RPS13: variants seen among roughly 807,000 people sequenced by gnomAD.
RPS13 encodes ribosomal protein S13.
Under a neutral mutation model 24.6 loss-of-function variants are expected in RPS13, and 1 was observed. The observed-to-expected ratio is 0.04, with a 90% CI of 0.01 to 0.19. RPS13 has a LOEUF of 0.19. Among genes scored for constraint, RPS13 ranks in the 10% least tolerant of loss-of-function variants. The pLI, the probability that RPS13 is intolerant of heterozygous loss-of-function variation, is 1.00. For synonymous variants in RPS13, 69 were observed against 65.3 expected (o/e 1.06, Z -0.27); for missense variants, 88 against 187.4 (o/e 0.47, Z 3.10).
At chr11:17,077,518 G>C in intron 1 of RPS13, 41 bp from the exon 2 acceptor site, 1 of 1,613,518 alleles carries the variant, frequency 6.2e-7, no homozygotes, top group Non-Finnish European at 8.5e-7. Flanking sequence ...GGCGGCTAGT[G>C]CCAGAGCAGC....
In RPS13 at chr11:17,075,545, G is replaced by A; in HGVS notation, c.230C>T (p.Ser77Phe). The A allele has an allele frequency of 1.9e-6, 3 of 1,608,536 alleles. No homozygotes were observed. Among genetic ancestry groups the A allele is most frequent in the Non-Finnish European group, 2.5e-6 (3 of 1,176,908 alleles). Residue 77 changes from serine (S) to phenylalanine (F), a missense_variant, in exon 4 of 6, where the codon TCT becomes TTT. Transcript: ENST00000525634. ...AGGAAGATCAGGAGCAAGTCCCTTA[G>A]ACTTAAGAATTCTTAAAATTTTATT... ...TGNKILRILK[S>F]KGLAPDLPED...
intron 3 of RPS13, 28 bp from the exon 4 acceptor site, chr11:17,075,651 C>A (rs754022901): frequency 6.5e-7 from 1 of 1,542,182 alleles, no homozygotes; most frequent in Non-Finnish European, 8.8e-7. Flanking sequence ...TTTTAACTTT[C>A]AACACGAAAC....
chr11:17,075,028 T>C, intron 5 of RPS13, 69 bp downstream of exon 5: 1 of 1,054,606 alleles, frequency 9.5e-7, no homozygotes, highest in Non-Finnish European at 1.4e-6. Context: ...TGAACATATT[T>C]ACTACTAGGA....
intron 3 of RPS13, 193 bp downstream of exon 3, chr11:17,076,975 C>T: frequency 1.7e-6 from 1 of 583,136 alleles, no homozygotes; most frequent in Non-Finnish European, 3.1e-6. Flanking sequence ...GGGTGAAAGC[C>T]ATGAAGATTT....
At chr11:17,076,703 T>G (rs2137238534) in intron 3 of RPS13, 1 of 307,512 alleles carries the variant, frequency 3.3e-6, no homozygotes, top group East Asian at 1.1e-4. Flanking sequence ...ACATTGCGGC[T>G]GGCTTTTTTG....
At chr11:17,075,719 T>TTACAGATAG in intron 3 of RPS13, 96 bp from the exon 4 acceptor site, 2 of 936,384 alleles carry the variant, frequency 2.1e-6, no homozygotes, top group Non-Finnish European at 3.4e-6. Flanking sequence ...GTTTCCTATC[T>TTACAGATAG]GTAAGATGGG....
chr11:17,074,441 CCAGGG>C lies in RPS13; in HGVS notation c.443_447del (p.Ala148GlyfsTer16). The stretch of plus-strand genomic sequence containing the variant: ...TGAGTACACAGACAAATTTATGCGA[CCAGGG>C]CAGAGGCTGTAGATGATTCACTGAA... On this transcript the variant is annotated frameshift_variant, in exon 6 of 6. Transcript: ENST00000525634. LOFTEE classifies it high-confidence loss of function. 1 of 1,611,644 alleles carries C rather than the reference CCAGGG, an allele frequency of 6.2e-7. No individual in the cohort carries two copies. The highest frequency in any genetic ancestry group is 2.2e-5 in the East Asian group (1 of 44,854).
At chr11:17,075,759 C>T (rs1257710872) in intron 3 of RPS13, 136 bp from the exon 4 acceptor site, 3 of 729,240 alleles carry the variant, frequency 4.1e-6, no homozygotes, top group Non-Finnish European at 7.3e-6. Flanking sequence ...CAGAAACCAA[C>T]GTGAGAATGC....
chr11:17,075,868 A>G, intron 3 of RPS13: 2 of 619,320 alleles, frequency 3.2e-6, no homozygotes, highest in Non-Finnish European at 6.0e-6. Context: ...CATCACAGTG[A>G]GCTTGCTGGA....
At chr11:17,077,105 T>G (rs894497568) in intron 3 of RPS13, 63 bp downstream of exon 3, 37 of 1,235,376 alleles carry the variant, frequency 3.0e-5, no homozygotes, top group Non-Finnish European at 4.4e-5. Context: ...CTTTACCACC[T>G]ACTAGATCCT....
intron 4 of RPS13, 90 bp from the exon 5 acceptor site, chr11:17,075,287 C>A (rs1403570530): frequency 2.9e-6 from 3 of 1,039,642 alleles, no homozygotes; most frequent in Non-Finnish European, 2.8e-6. Flanking sequence ...AGCTACCATG[C>A]ACTTTCTATA....
At chr11:17,076,449 G>A (rs1345989375) in intron 3 of RPS13, 10 of 318,558 alleles carry the variant, frequency 3.1e-5, no homozygotes, top group African/African-American at 2.1e-4. Context: ...CCACCTATTC[G>A]GGAGGCTGAG....
chr11:17,076,216 G>A (rs545527865), intron 3 of RPS13, among the ~76,000 whole-genome samples: 10 of 152,136 alleles, frequency 6.6e-5, no homozygotes, highest in African/African-American at 2.4e-4. Context: ...GTGAAACCTC[G>A]TCTCTACTAA....
chr11:17,077,588 C>T (rs747945502), intron 1 of RPS13, 31 bp downstream of exon 1: 8 of 614,028 alleles, frequency 1.3e-5, no homozygotes, highest in East Asian at 5.3e-5. Context: ...CACCCCCCGC[C>T]CAGCAATCCG....
At chr11:17,076,704 G>A (rs146701469) in intron 3 of RPS13, 8 of 306,644 alleles carry the variant, frequency 2.6e-5, no homozygotes, top group African/African-American at 1.8e-4. Flanking sequence ...CATTGCGGCT[G>A]GCTTTTTTGG....
At chr11:17,075,828 T>C (rs1193540336) in intron 3 of RPS13, 6 of 667,856 alleles carry the variant, frequency 9.0e-6, no homozygotes, top group Admixed American at 2.0e-5. Flanking sequence ...AAAACCTTTC[T>C]GGTGGAAACT....
At position 17,077,446 on chromosome 11, in the gene RPS13, G is replaced by C. The variant is rs2137239251; in HGVS notation, c.55C>G (p.Arg19Gly). 6.2e-7 allele frequency: 1 copy of C among 1,610,950 alleles called. No homozygotes were observed. Among genetic ancestry groups the C allele is most frequent in the Non-Finnish European group, 8.5e-7 (1 of 1,178,820 alleles). The change falls in exon 2 of 6, where the codon CGA (arginine) becomes GGA (glycine). Residue 19 changes from arginine (R) to glycine (G), a missense_variant. Coordinates refer to ENST00000525634, the MANE Select transcript of RPS13 (RefSeq NM_001017.3). ...CTACTTACAGTGGGGACGCTGCGTC[G>C]ATAGGGTAAAGCCGACTGGGACAGG... ...KGLSQSALPYRRSVPTWLKLT... is the reference protein window; with the variant it reads ...KGLSQSALPYGRSVPTWLKLT...
At position 17,075,631 on chromosome 11, in the gene RPS13, G is replaced by A. The variant is rs751909327; in HGVS notation, c.152-8C>T. ...AATCTCTCAGGATTACACCTGAAAA[G>A]GGAATCACGTTTTAACTTTCAACAC... is the stretch of plus-strand genomic sequence containing the variant. On this transcript the variant is annotated splice_polypyrimidine_tract_variant and splice_region_variant and intron_variant, in intron 3 of 5. Coordinates refer to ENST00000525634, the MANE Select transcript of RPS13 (RefSeq NM_001017.3). The A allele has an allele frequency of 1.9e-6, 3 of 1,586,596 alleles. No individual in the cohort carries two copies. The African/African-American group carries it at 4.1e-5, about 22-fold the overall frequency.
chr11:17,074,692 A>C, intron 5 of RPS13: 1 of 700,168 alleles, frequency 1.4e-6, no homozygotes, highest in South Asian at 1.5e-5. Flanking sequence ...CAACATAAGG[A>C]AAAACATTTC....
Sources: gnomAD v4.1 joint callset for allele counts (sites outside exome capture counted in the v4.1 genomes callset) on GRCh38, gnomAD v4.1.1 for gene constraint, MANE v1.5 for transcripts, NCBI Gene and HGNC (gene_info 2026-07-23, HGNC 2026-07-21) for gene names.